Variants in UMAD1 observed in about 807,000 individuals in gnomAD.
UMAD1 encodes the protein UBAP1-MVB12-associated (UMA)-domain containing protein 1.
A neutral mutation model predicts 6.1 loss-of-function variants in UMAD1; 8 were observed. The ratio of observed to expected loss-of-function variants is 1.30; its 90% CI spans 0.76 to 2.35. UMAD1 has a LOEUF of 2.35. UMAD1 is among the 30% of genes most tolerant of loss of function. UMAD1 has a pLI of 0.00. For synonymous variants in UMAD1, 56 were observed against 31.4 expected (o/e 1.78, Z -2.61); for missense variants, 130 against 78.4 (o/e 1.66, Z -2.49).
At chr7:7,647,943 A>T (rs1436538355) in intron 1 of UMAD1, among the ~76,000 whole-genome samples, 1 of 152,152 alleles carries the variant, frequency 6.6e-6, no homozygotes, top group African/African-American at 2.4e-5. Flanking sequence ...TGCTACTATT[A>T]TAGACGTGCC....
At chr7:7,650,171 G>A (rs1271742807) in intron 1 of UMAD1, among the ~76,000 whole-genome samples, 1 of 152,136 alleles carries the variant, frequency 6.6e-6, no homozygotes, top group African/African-American at 2.4e-5. Flanking sequence ...TAGAGATTTA[G>A]TTCTGTTTTG....
chr7:7,824,688 C>A (rs1286277294), intron 3 of UMAD1, among the ~76,000 whole-genome samples: 1 of 152,138 alleles, frequency 6.6e-6, no homozygotes, highest in Non-Finnish European at 1.5e-5. Context: ...ACACTATCAT[C>A]ATCATTTTGA....
At position 7,658,931 on chromosome 7, in the gene UMAD1, T is replaced by G. The variant is rs554693161; in HGVS notation, c.-63-14378T>G. 3.1e-4 allele frequency among the ~76,000 whole-genome samples: 47 copies of G among 152,252 alleles called. 1 individual carries two copies. In the South Asian group the frequency reaches 6.2e-3, roughly 20 times the overall value. ...TAGAATTTGGCTGTGAATCCATCTG[T>G]TCCTGGACTTTTTTTGGTTGGTAGG... On this transcript the variant is annotated intron_variant, in intron 1 of 3. Transcript: ENST00000682710.
intron 1 of UMAD1, among the ~76,000 whole-genome samples, chr7:7,663,765 G>C (rs1003576972): frequency 2.6e-5 from 4 of 152,048 alleles, no homozygotes; most frequent in Admixed American, 2.6e-4. Flanking sequence ...AGTATCCCCG[G>C]GGCAATAACG....
chr7:7,744,113 C>T (rs1286858822), intron 2 of UMAD1, among the ~76,000 whole-genome samples: 1 of 152,112 alleles, frequency 6.6e-6, no homozygotes, highest in Non-Finnish European at 1.5e-5. Flanking sequence ...CCTAGTCACT[C>T]AGGAATCTAC....
At chr7:7,810,800 C>A (rs577446015) in intron 3 of UMAD1, among the ~76,000 whole-genome samples, 1 of 152,140 alleles carries the variant, frequency 6.6e-6, no homozygotes, top group South Asian at 2.1e-4. Flanking sequence ...GTGAAACAGT[C>A]GGTCTGTTGA....
At chr7:7,711,956 AT>A (rs572913986) in intron 2 of UMAD1, among the ~76,000 whole-genome samples, 2 of 151,200 alleles carry the variant, frequency 1.3e-5, no homozygotes, top group Admixed American at 6.6e-5. Context: ...TCCGATTTTA[AT>A]TTTTTTTTGT....
intron 2 of UMAD1, among the ~76,000 whole-genome samples, chr7:7,734,654 C>T (rs1037920683): frequency 3.3e-5 from 5 of 152,140 alleles, no homozygotes; most frequent in East Asian, 1.9e-4. Flanking sequence ...TAAAGCCCTT[C>T]GCCATATCAT....
intron 2 of UMAD1, among the ~76,000 whole-genome samples, chr7:7,697,522 G>T (rs923829536): frequency 1.1e-4 from 16 of 152,076 alleles, no homozygotes; most frequent in Admixed American, 3.3e-4. Flanking sequence ...GCTTCCTTTT[G>T]TGGCAGTCCT....
chr7:7,845,996 T>C (rs1006928087), intron 3 of UMAD1, among the ~76,000 whole-genome samples: 1 of 152,150 alleles, frequency 6.6e-6, no homozygotes, highest in African/African-American at 2.4e-5. Flanking sequence ...TTTGCTAGTA[T>C]TGTGAGAACA....
intron 2 of UMAD1, among the ~76,000 whole-genome samples, chr7:7,790,718 G>A (rs147131628): frequency 1.6e-3 from 244 of 152,258 alleles, no homozygotes; most frequent in African/African-American, 5.2e-3. Flanking sequence ...AATTTCTCAC[G>A]TTCATCTTGT....
chr7:7,641,186 A>G (rs1405667110), intron 1 of UMAD1: 1 of 152,148 alleles, frequency 6.6e-6, no homozygotes, highest in African/African-American at 2.4e-5. Flanking sequence ...CTGTAAGAAG[A>G]GAGATTGATC....
intron 2 of UMAD1, among the ~76,000 whole-genome samples, chr7:7,792,673 C>A (rs1044649938): frequency 1.3e-5 from 2 of 152,172 alleles, no homozygotes; most frequent in Admixed American, 6.5e-5. Flanking sequence ...CATGTACGGG[C>A]CTTCCCCTCC....
chr7:7,742,603 G>T, intron 2 of UMAD1: 1 of 480,888 alleles, frequency 2.1e-6, no homozygotes, highest in South Asian at 1.6e-5. Flanking sequence ...AGGATTAAAG[G>T]ATGAATGCTG....
At chr7:7,843,860 A>C (rs992204241) in intron 3 of UMAD1, among the ~76,000 whole-genome samples, 3 of 152,126 alleles carry the variant, frequency 2.0e-5, no homozygotes, top group Non-Finnish European at 4.4e-5. Context: ...CCCTAAAGCC[A>C]TTCCTTCCCA....
intron 2 of UMAD1, among the ~76,000 whole-genome samples, chr7:7,791,263 C>G (rs888548320): frequency 6.6e-6 from 1 of 152,144 alleles, no homozygotes; most frequent in Non-Finnish European, 1.5e-5. Flanking sequence ...TATGGCAGTC[C>G]TGTTTGTTCT....
At chr7:7,873,842 A>G (rs1784370027) in intron 3 of UMAD1, among the ~76,000 whole-genome samples, 1 of 152,166 alleles carries the variant, frequency 6.6e-6, no homozygotes, top group Non-Finnish European at 1.5e-5. Flanking sequence ...TTTCTTGACT[A>G]CACATCCCTT....
intron 1 of UMAD1, among the ~76,000 whole-genome samples, chr7:7,651,453 GCTGGGGC>G (rs1202825844): frequency 2.0e-5 from 3 of 152,190 alleles, no homozygotes; most frequent in African/African-American, 7.2e-5. Flanking sequence ...CAGGCTTGAG[GCTGGGGC>G]CTTTGCCAGG....
intron 2 of UMAD1, chr7:7,676,044 T>A (rs955215391): frequency 2.5e-6 from 1 of 398,216 alleles, no homozygotes; most frequent in African/African-American, 2.1e-5. Flanking sequence ...GTCTCAGCTC[T>A]TACTTCCTCT....
Sources: gnomAD v4.1 joint callset for allele counts (sites outside exome capture counted in the v4.1 genomes callset) on GRCh38, gnomAD v4.1.1 for gene constraint, MANE v1.5 for transcripts, NCBI Gene and HGNC (gene_info 2026-07-23, HGNC 2026-07-21) for gene names.